Variants in AREL1 observed in about 807,000 individuals in gnomAD.
AREL1 encodes apoptosis resistant E3 ubiquitin protein ligase 1, also known as apoptosis-resistant E3 ubiquitin protein ligase 1.
In AREL1, 62 loss-of-function variants were observed where a neutral mutation model predicts 99.0. That is an observed-to-expected ratio of 0.63 (90% CI 0.51 to 0.77). The LOEUF (loss-of-function observed/expected upper bound fraction) is 0.77. Among genes scored for constraint, AREL1 ranks in the 30% least tolerant of loss-of-function variants. The probability of loss-of-function intolerance (pLI) is 0.00; values close to 1 mark genes in which losing one functional copy is unlikely to be tolerated. For missense variants in AREL1, 879 were observed against 1,027.6 expected, an observed-to-expected ratio of 0.86 and a Z score of 1.98; for synonymous variants, 380 against 376.5, an observed-to-expected ratio of 1.01 and a Z score of -0.11.
chr14:74,676,595 C>G lies in AREL1; in HGVS notation c.639G>C (p.Leu213Phe), dbSNP rs1379778843. 3.1e-6 allele frequency: 5 copies of G among 1,612,754 alleles called. No homozygotes were observed. The highest frequency in any genetic ancestry group is 4.2e-6 in the Non-Finnish European group (5 of 1,179,568). Residue 213 changes from leucine to phenylalanine, a missense_variant, in exon 6 of 20, where the codon TTG becomes TTC. Leu to Phe is a conservative substitution (Grantham distance 22). Coordinates refer to ENST00000356357, the MANE Select transcript of AREL1 (RefSeq NM_001039479.2). The stretch of plus-strand genomic sequence containing the variant: ...GGAGACTGCTTACCTCATGAATGGA[C>G]AAGGTGTAATTGTGCTCATCTCTCA... ...MSLRDEHNYT[L>F]SIHELGPQEE...
intron 1 of AREL1, among the ~76,000 whole-genome samples, chr14:74,699,367 G>A (rs1488202430): frequency 3.1e-5 from 4 of 129,912 alleles, no homozygotes; most frequent in Admixed American, 1.5e-4. Flanking sequence ...GTGTGTGTGT[G>A]TGTGTGTGTG....
chr14:74,670,251 C>A, intron 13 of AREL1, 125 bp from the exon 14 acceptor site: 1 of 993,744 alleles, frequency 1.0e-6, no homozygotes, highest in Non-Finnish European at 1.4e-6. Context: ...AGAGCCCATC[C>A]AAATGTTAGT....
In AREL1 at chr14:74,685,646, G is replaced by A; in HGVS notation, c.-31C>T. On this transcript the variant is annotated 5_prime_UTR_variant, in exon 3 of 20. Transcript: ENST00000356357. ...CCCGTCAATGCCAACAGACAGCCGA[G>A]GATCACAGCTGCAGCTGTTAAAAGA... The A allele has an allele frequency of 6.2e-7, 1 of 1,614,044 alleles. No homozygotes were observed. Among genetic ancestry groups the A allele is most frequent in the Middle Eastern group, 1.6e-4 (1 of 6,062 alleles).
chr14:74,678,555 G>C (rs2089548369), intron 5 of AREL1, among the ~76,000 whole-genome samples: 1 of 151,898 alleles, frequency 6.6e-6, no homozygotes, highest in Non-Finnish European at 1.5e-5. Context: ...GGTACTGGAG[G>C]AGGGATAGGT....
intron 1 of AREL1, among the ~76,000 whole-genome samples, chr14:74,695,513 G>A (rs1400842218): frequency 3.9e-5 from 6 of 151,998 alleles, no homozygotes; most frequent in South Asian, 2.1e-4. Context: ...CATGCTCACC[G>A]CAATGCTTCA....
intron 1 of AREL1, among the ~76,000 whole-genome samples, chr14:74,704,506 A>C (rs1203484889): frequency 2.6e-5 from 4 of 152,120 alleles, no homozygotes; most frequent in African/African-American, 9.7e-5. Flanking sequence ...CTTCCAAAGA[A>C]GGCAATCAGA....
At chr14:74,709,713 T>C (rs1174219518) in intron 1 of AREL1, among the ~76,000 whole-genome samples, 1 of 152,294 alleles carries the variant, frequency 6.6e-6, no homozygotes, top group East Asian at 1.9e-4. Flanking sequence ...CTAATGTTTG[T>C]TGGGAGAAAA....
intron 1 of AREL1, among the ~76,000 whole-genome samples, chr14:74,695,323 G>A (rs937332870): frequency 2.0e-5 from 3 of 151,928 alleles, no homozygotes; most frequent in Admixed American, 2.0e-4. Context: ...CAGGTGATTC[G>A]CCCGCCTCAG....
intron 17 of AREL1, 128 bp downstream of exon 17, chr14:74,667,191 A>G: frequency 1.9e-6 from 2 of 1,079,046 alleles, no homozygotes; most frequent in South Asian, 1.5e-5. Context: ...AGGAGCGACA[A>G]AAGTGAAACC....
chr14:74,673,766 T>C (rs1377200988), intron 9 of AREL1, among the ~76,000 whole-genome samples: 1 of 152,220 alleles, frequency 6.6e-6, no homozygotes, highest in East Asian at 1.9e-4. Flanking sequence ...ATCTTCTCTA[T>C]TAACTTAGTC....
In AREL1 at chr14:74,663,397, C is replaced by G; in HGVS notation, c.*323G>C. On this transcript the variant is annotated 3_prime_UTR_variant, in exon 20 of 20. Transcript: ENST00000356357. ...AAGGGTCTCCACACCAGTTTCCCAA[C>G]AGGGCTGAGCCCCGTGTGCCATCTC... 1 of 359,596 alleles carries G rather than the reference C, an allele frequency of 2.8e-6. No homozygotes were observed. The highest frequency in any genetic ancestry group is 3.7e-5 in the Admixed American group (1 of 26,956). The allele number at this position is 359,596 out of a possible 1,614,324, so 22.3% of individuals were successfully genotyped here.
chr14:74,697,807 A>G (rs532637460), intron 1 of AREL1, among the ~76,000 whole-genome samples: 2 of 152,260 alleles, frequency 1.3e-5, no homozygotes, highest in African/African-American at 2.4e-5. Context: ...GTTCCATGAC[A>G]TACTACTCTT....
At position 74,673,124 on chromosome 14, in the gene AREL1, C is replaced by G; in HGVS notation, c.1253G>C (p.Arg418Thr). 6.2e-7 allele frequency: 1 copy of G among 1,614,200 alleles called. No individual in the cohort carries two copies. The highest frequency in any genetic ancestry group is 8.5e-7 in the Non-Finnish European group (1 of 1,180,050). Reference protein sequence around the residue: ...QPPVELSCKERNILAATFIRS... With the variant: ...QPPVELSCKETNILAATFIRS... ...GATAAAAGTGGCTGCTAGAATGTTC[C>G]TCTCCTTACAGCTGAGCTCCACAGG... The change falls in exon 10 of 20, where the codon AGG becomes ACG. Residue 418 changes from arginine to threonine, a missense_variant. Transcript: ENST00000356357.
intron 1 of AREL1, among the ~76,000 whole-genome samples, chr14:74,708,664 T>C (rs28578498): frequency 6.6e-6 from 1 of 152,248 alleles, no homozygotes; most frequent in South Asian, 2.1e-4. Flanking sequence ...AATTAACAGA[T>C]GTTAACTATT....
At position 74,670,053 on chromosome 14, in the gene AREL1, T is replaced by C. The variant is rs774314378; in HGVS notation, c.1682A>G (p.Lys561Arg). 2 of 1,614,050 alleles carry C rather than the reference T, an allele frequency of 1.2e-6. No homozygotes were observed. The highest frequency in any genetic ancestry group is 2.2e-5 in the East Asian group (1 of 44,866). The part of the protein sequence containing the change: ...MYEFAGRLVG[K>R]CLYESSLGGA... ...TCCTAGAGAGGACTCATAGAGACAC[T>C]TGCCCACGAGCCGTCCCGCAAACTC... is the stretch of plus-strand genomic sequence containing the variant. The change falls in exon 14 of 20, where the codon AAG becomes AGG. Residue 561 changes from lysine to arginine, a missense_variant. Physicochemically the swap from Lys to Arg is conservative, Grantham distance 26. Transcript: ENST00000356357.
At position 74,664,840 on chromosome 14, in the gene AREL1, T is replaced by C. The variant is rs2089176802; in HGVS notation, c.2189A>G (p.Glu730Gly). The change falls in exon 18 of 20, where the codon GAA becomes GGA. Residue 730 changes from glutamate (E) to glycine (G), a missense_variant. By Grantham distance (98) the Glu-to-Gly change is moderately conservative. Transcript: ENST00000356357. ...VVVGGSWHFR[E>G]KVMRWFWTVV... The stretch of plus-strand genomic sequence containing the variant: ...AAAGAAGTTTGGTCCATTTACCTTT[T>C]CTCTGAAATGCCATGAGCCACCAAC... 15 of 1,613,148 alleles carry C rather than the reference T, an allele frequency of 9.3e-6. No individual in the cohort carries two copies. Among genetic ancestry groups the C allele is most frequent in the Non-Finnish European group, 1.2e-5 (14 of 1,179,472 alleles).
intron 2 of AREL1, among the ~76,000 whole-genome samples, chr14:74,690,212 A>T (rs1461905859): frequency 7.1e-6 from 1 of 140,604 alleles, no homozygotes; most frequent in Non-Finnish European, 1.5e-5. Flanking sequence ...GTGAGCCCTG[A>T]TGGCACCACT....
chr14:74,669,635 G>A lies in AREL1; in HGVS notation c.1914+14C>T. The A allele has an allele frequency of 2.5e-6, 4 of 1,613,100 alleles. No homozygotes were observed. Among genetic ancestry groups the A allele is most frequent in the Non-Finnish European group, 3.4e-6 (4 of 1,179,564 alleles). On this transcript the variant is annotated intron_variant, in intron 15 of 19. Transcript: ENST00000356357. ...GGAGAACATAGGACCCAGAGGCTTT[G>A]TCCTCTTTCTCACCTTATCCAATTG...
Position 74,662,776 on chromosome 14 carries a change from A to G in AREL1, c.*944T>C. On this transcript the variant is annotated 3_prime_UTR_variant, in exon 20 of 20. Coordinates refer to ENST00000356357, the MANE Select transcript of AREL1 (RefSeq NM_001039479.2). Reference sequence around the variant, plus strand: ...GAGAATCAGGGATTGCTGGCATACTATTCTTACTGTTCTAATCTTTTGCTA... The same window carrying G: ...GAGAATCAGGGATTGCTGGCATACTGTTCTTACTGTTCTAATCTTTTGCTA... 1 of 395,460 alleles carries G rather than the reference A, an allele frequency of 2.5e-6. No individual in the cohort carries two copies. Among genetic ancestry groups the G allele is most frequent in the Non-Finnish European group, 4.5e-6 (1 of 224,584 alleles). The allele number at this position is 395,460 out of a possible 1,614,324, so 24.5% of individuals were successfully genotyped here.
Sources: gnomAD v4.1 joint callset for allele counts (sites outside exome capture counted in the v4.1 genomes callset) on GRCh38, gnomAD v4.1.1 for gene constraint, MANE v1.5 for transcripts, NCBI Gene and HGNC (gene_info 2026-07-23, HGNC 2026-07-21) for gene names.